The following KRT8 variants were observed in gnomAD, a reference collection of about 807,000 sequenced individuals.
KRT8 encodes keratin 8.
Under a neutral mutation model 43.0 loss-of-function variants are expected in KRT8, and 24 were observed. The observed-to-expected ratio is 0.56, with a 90% CI of 0.40 to 0.78. KRT8 has a LOEUF of 0.78. Ranked by LOEUF, KRT8 falls within the 30% of genes least tolerant of loss-of-function variation. KRT8 has a pLI of 0.00. For synonymous variants in KRT8, 214 were observed against 261.2 expected (o/e 0.82, Z 1.74); for missense variants, 492 against 638.4 (o/e 0.77, Z 2.47).
chr12:52,926,332 G>GGGCCCCCCCCCCCCCCC, intron 2 of KRT8: 1 of 600,276 alleles, frequency 1.7e-6, no homozygotes, highest in Non-Finnish European at 3.0e-6. Context: ...GGCACTAGCT[G>GGGCCCCCCCCCCCCCCC]CCCTCCCCAC....
chr12:52,948,269 G>C (rs1376457534), intron 2 of KRT8: 2 of 152,398 alleles, frequency 1.3e-5, no homozygotes, highest in African/African-American at 4.8e-5. Context: ...TTGGGAGCCA[G>C]GTGCAGCTGG....
At chr12:52,914,228 T>C (rs1394383696) in intron 2 of KRT8, among the ~76,000 whole-genome samples, 2 of 140,046 alleles carry the variant, frequency 1.4e-5, no homozygotes, top group African/African-American at 5.4e-5. Flanking sequence ...GTCTCAAAAA[T>C]AAAACAAACA....
At chr12:52,919,303 C>G (rs529664866) in intron 2 of KRT8, among the ~76,000 whole-genome samples, 1 of 152,252 alleles carries the variant, frequency 6.6e-6, no homozygotes, top group South Asian at 2.1e-4. Context: ...CACTCTGTCA[C>G]CCAGTCTGGA....
At chr12:52,899,969 C>T in exon 5 of KRT8, 1 of 1,613,476 alleles carries the variant, frequency 6.2e-7, no homozygotes, top group Non-Finnish European at 8.5e-7. Flanking sequence ...TGTGCCTTGA[C>T]CTCAGCAATG....
At chr12:52,945,401 G>A (rs1942328406) in intron 2 of KRT8, among the ~76,000 whole-genome samples, 1 of 152,168 alleles carries the variant, frequency 6.6e-6, no homozygotes, top group Non-Finnish European at 1.5e-5. Context: ...GTCTCTCCCT[G>A]TTTTGTGTAT....
chr12:52,901,196 C>G (rs138776885), exon 3 of KRT8: 5 of 1,611,554 alleles, frequency 3.1e-6, no homozygotes, highest in Non-Finnish European at 4.2e-6. Context: ...CATCTCTGTA[C>G]GCTTATTGAT....
chr12:52,899,701 T>A, intron 5 of KRT8, 74 bp downstream of exon 5: 1 of 1,392,680 alleles, frequency 7.2e-7, no homozygotes, highest in South Asian at 1.2e-5. Context: ...CCCAGAAACT[T>A]CACTCTTCCT....
chr12:52,930,562 C>G (rs1424474476), intron 2 of KRT8, among the ~76,000 whole-genome samples: 1 of 151,368 alleles, frequency 6.6e-6, no homozygotes, highest in Non-Finnish European at 1.5e-5. Flanking sequence ...TGTTGTTGTT[C>G]TTTTTTTCCT....
chr12:52,915,373 CAAA>C (rs566362747), intron 2 of KRT8, among the ~76,000 whole-genome samples: 2 of 129,112 alleles, frequency 1.5e-5, no homozygotes, highest in Non-Finnish European at 1.7e-5. Context: ...GACTCCATCT[CAAA>C]AAAAAAAAAA....
chr12:52,901,148 G>A lies in KRT8; in HGVS notation c.594+11C>T, dbSNP rs980394607. 6.3e-7 allele frequency: 1 copy of A among 1,583,406 alleles called. No homozygotes were observed. Among genetic ancestry groups the A allele is most frequent in the Non-Finnish European group, 8.7e-7 (1 of 1,151,982 alleles). On this transcript the variant is annotated intron_variant, in intron 3 of 7. Transcript: ENST00000692008. ...TCCAGTGTCCAGATAGGAGAAGGGA[G>A]ACTCCCTCACCTTCTTGATGAGGAC...
intron 2 of KRT8, among the ~76,000 whole-genome samples, chr12:52,912,454 G>A (rs76670952): frequency 0.015 from 2,272 of 152,312 alleles, 27 homozygotes; most frequent in Middle Eastern, 0.034. Flanking sequence ...GGGTTGGACA[G>A]AACTGTTGAA....
rs112920358 is a variant in KRT8 at position 52,938,316 on chromosome 12, G to A, written c.-47+11140C>T. ...CCCGAGTAGCTGGGATTACAAGCAT[G>A]GACAATGCCCAGCTAATTTTTTGTA... On this transcript the variant is annotated intron_variant, in intron 2 of 6. Transcript: ENST00000546826. Among the ~76,000 whole-genome samples the A allele has an allele frequency of 7.7e-3, 1,151 of 150,130 alleles. 9 individuals carry two copies. Among genetic ancestry groups the A allele is most frequent in the African/African-American group, 0.026 (1,080 of 40,836 alleles).
Position 52,897,622 on chromosome 12 carries a change from G to T in KRT8, c.1262-4C>A, listed in dbSNP as rs747702253. 1.3e-6 allele frequency: 2 copies of T among 1,598,028 alleles called. No individual in the cohort carries two copies. The highest frequency in any genetic ancestry group is 1.7e-6 in the Non-Finnish European group (2 of 1,179,896). ...CCATAGGCCGAGCTCAGACCACCTG[G>T]TGAGGGACAGAGGTAGCCACATGAG... On this transcript the variant is annotated splice_region_variant and splice_polypyrimidine_tract_variant and intron_variant, in intron 7 of 7. Transcript: ENST00000692008.
chr12:52,938,170 A>ATATATATATATATATATT, intron 2 of KRT8, among the ~76,000 whole-genome samples: 89 of 30,160 alleles, frequency 3.0e-3, no homozygotes, highest in Middle Eastern at 0.025. Context: ...ATATATATAT[A>ATATATATATATATATATT]TTTTTTTTTT....
At chr12:52,897,432 T>C (rs1408276084) in exon 8 of KRT8, 1 of 1,599,376 alleles carries the variant, frequency 6.3e-7, no homozygotes, top group Non-Finnish European at 8.5e-7. Flanking sequence ...AGCTGTTCAC[T>C]TGGGCAGGAC....
chr12:52,949,111 C>G (rs891320036), intron 2 of KRT8: 3 of 1,361,902 alleles, frequency 2.2e-6, no homozygotes, highest in African/African-American at 4.1e-5. Context: ...TCGCGCGGCT[C>G]GCGCAGGCCG....
chr12:52,913,530 C>T (rs1029258517), intron 2 of KRT8, among the ~76,000 whole-genome samples: 1 of 152,156 alleles, frequency 6.6e-6, no homozygotes, highest in African/African-American at 2.4e-5. Context: ...AAATACAAAG[C>T]ACACATGTTT....
At chr12:52,905,167 C>T, upstream of KRT8, 1 of 1,105,976 alleles carries the variant, frequency 9.0e-7, no homozygotes, top group Non-Finnish European at 1.2e-6. Context: ...TGGGCCTAAC[C>T]CGTCACCTGC....
At chr12:52,944,975 T>C (rs1026630901) in intron 2 of KRT8, among the ~76,000 whole-genome samples, 1 of 152,028 alleles carries the variant, frequency 6.6e-6, no homozygotes, top group African/African-American at 2.4e-5. Flanking sequence ...TGCCCCCACC[T>C]CTTGTCTCTC....
Sources: gnomAD v4.1 joint callset for allele counts (sites outside exome capture counted in the v4.1 genomes callset) on GRCh38, gnomAD v4.1.1 for gene constraint, MANE v1.5 for transcripts, NCBI Gene and HGNC (gene_info 2026-07-23, HGNC 2026-07-21) for gene names.